SLIT1: variants seen among roughly 807,000 people sequenced by gnomAD.
The protein encoded by SLIT1 is slit guidance ligand 1.
A neutral mutation model predicts 186.1 loss-of-function variants in SLIT1; 66 were observed. That is an observed-to-expected ratio of 0.35 (90% CI 0.29 to 0.44). SLIT1 has a LOEUF of 0.44. SLIT1 is among the 20% of genes least tolerant of loss of function. SLIT1 has a pLI of 1.00. For synonymous variants in SLIT1, 761 were observed against 833.8 expected (o/e 0.91, Z 1.50); for missense variants, 1,638 against 2,037.4 (o/e 0.80, Z 3.77).
At chr10:97,141,710 T>TTGTAC (rs1401147308) in intron 4 of SLIT1, among the ~76,000 whole-genome samples, 1 of 99,364 alleles carries the variant, frequency 1.0e-5, no homozygotes, top group Non-Finnish European at 1.9e-5. Context: ...TCGTATTGTA[T>TTGTAC]TGTACTGTAT....
intron 24 of SLIT1, 35 bp from the exon 25 acceptor site, chr10:97,030,863 G>A: frequency 6.3e-7 from 1 of 1,585,612 alleles, no homozygotes; most frequent in Non-Finnish European, 8.7e-7. Flanking sequence ...GCCTTATCCA[G>A]GGACAGAGAT....
intron 28 of SLIT1, among the ~76,000 whole-genome samples, chr10:97,017,612 C>T (rs1019223074): frequency 1.3e-5 from 2 of 152,154 alleles, no homozygotes; most frequent in African/African-American, 4.8e-5. Flanking sequence ...GAGGGCTATC[C>T]CCTCCCACAG....
chr10:97,101,327 C>T (rs4919069), intron 4 of SLIT1: 19,224 of 152,184 alleles, frequency 0.13, 1,250 homozygotes, highest in Middle Eastern at 0.18. Context: ...GACAACCTCT[C>T]GGGGAGCAGA....
chr10:97,048,110 C>T (rs1363978701), intron 14 of SLIT1, 114 bp from the exon 15 acceptor site: 1 of 1,116,372 alleles, frequency 9.0e-7, no homozygotes, highest in Admixed American at 1.7e-5. Context: ...GCTGAGGAGC[C>T]CATCTGCCCA....
chr10:97,141,718 T>C (rs75329695), intron 4 of SLIT1, among the ~76,000 whole-genome samples: 12 of 126,018 alleles, frequency 9.5e-5, no homozygotes, highest in South Asian at 5.0e-4. Context: ...TATTGTACTG[T>C]ATTGTATTGT....
chr10:97,106,760 C>T (rs953684739), intron 4 of SLIT1, among the ~76,000 whole-genome samples: 5 of 152,102 alleles, frequency 3.3e-5, no homozygotes, highest in African/African-American at 1.2e-4. Context: ...TACCCCTGAG[C>T]AGACAGGCCA....
chr10:97,150,000 C>T (rs1244777625), intron 4 of SLIT1, among the ~76,000 whole-genome samples: 1 of 152,162 alleles, frequency 6.6e-6, no homozygotes, highest in Non-Finnish European at 1.5e-5. Flanking sequence ...ACCAAGGAAG[C>T]TCCTTTTTAC....
chr10:97,103,379 C>G (rs1379408896), intron 4 of SLIT1: 3 of 152,220 alleles, frequency 2.0e-5, no homozygotes, highest in Non-Finnish European at 2.9e-5. Context: ...TGAAAACCCC[C>G]AACACTCTTT....
At chr10:97,143,906 A>C (rs1408278038) in intron 4 of SLIT1, among the ~76,000 whole-genome samples, 1 of 152,206 alleles carries the variant, frequency 6.6e-6, no homozygotes, top group Non-Finnish European at 1.5e-5. Flanking sequence ...AGTTAAGATT[A>C]GATTAAACAG....
Position 97,006,753 on chromosome 10 carries a change from A to G in SLIT1, c.3342-33T>C. On this transcript the variant is annotated intron_variant, in intron 31 of 36. Transcript: ENST00000266058. The surrounding 1 kb of genome is among the most constrained non-coding windows in gnomAD (Gnocchi z 4.0). ...GAAAGGACATAAGTCAGAGAGGGCC[A>G]AGGAGGAAGGGAGTATCTTCCTCTC... is the stretch of plus-strand genomic sequence containing the variant. The G allele has an allele frequency of 1.4e-6, 2 of 1,463,648 alleles. No homozygotes were observed. The highest frequency in any genetic ancestry group is 9.6e-7 in the Non-Finnish European group (1 of 1,045,388). The allele number at this position is 1,463,648 out of a possible 1,614,324, so 90.7% of individuals were successfully genotyped here. A position where few individuals can be genotyped will look rare whatever the true frequency, so the allele number is the denominator to read the frequency against.
intron 14 of SLIT1, 30 bp downstream of exon 14, chr10:97,048,925 A>C (rs1204647731): frequency 6.3e-7 from 1 of 1,596,200 alleles, no homozygotes; most frequent in Admixed American, 1.7e-5. Flanking sequence ...GTAGGTGGAC[A>C]GGTGGGCAGG....
At chr10:97,033,217 T>G (rs1848607867) in intron 23 of SLIT1, among the ~76,000 whole-genome samples, 2 of 152,068 alleles carry the variant, frequency 1.3e-5, no homozygotes, top group African/African-American at 4.8e-5. Context: ...CCTGACTAAT[T>G]TTTTTATTTT....
At chr10:97,082,823 G>C (rs113820456) in intron 4 of SLIT1, among the ~76,000 whole-genome samples, 2 of 152,168 alleles carry the variant, frequency 1.3e-5, no homozygotes, top group African/African-American at 4.8e-5. Flanking sequence ...TGTGTGGGAG[G>C]GGGCAGGGAG....
At chr10:97,176,345 T>A (rs1245976396) in intron 1 of SLIT1, among the ~76,000 whole-genome samples, 1 of 151,946 alleles carries the variant, frequency 6.6e-6, no homozygotes, top group Non-Finnish European at 1.5e-5. Context: ...CCATCAAAAC[T>A]CCCTCTCACC....
At chr10:97,091,568 G>A (rs1422128192) in intron 4 of SLIT1, among the ~76,000 whole-genome samples, 1 of 152,154 alleles carries the variant, frequency 6.6e-6, no homozygotes, top group East Asian at 1.9e-4. Flanking sequence ...AATTCTCCTT[G>A]AAACAACTTT....
At position 97,014,062 on chromosome 10, in the gene SLIT1, A is replaced by T; in HGVS notation, c.3066T>A (p.Asp1022Glu). The change falls in exon 29 of 37, where the codon GAT becomes GAA. Residue 1022 changes from aspartate (D) to glutamate (E), a missense_variant. Transcript: ENST00000266058. ...HACANGGVCV[D>E]GVGNYTCQCP... ...ACTGGCAGGTGTAGTTGCCCACACCATCCACACAGACGCCCCCATTGGCAC... is the reference window on the plus strand; with the variant it reads ...ACTGGCAGGTGTAGTTGCCCACACCTTCCACACAGACGCCCCCATTGGCAC... 6.2e-7 allele frequency: 1 copy of T among 1,613,726 alleles called. No homozygotes were observed. Among genetic ancestry groups the T allele is most frequent in the South Asian group, 1.1e-5 (1 of 91,066 alleles).
At chr10:97,039,809 C>T (rs928652085) in intron 21 of SLIT1, among the ~76,000 whole-genome samples, 179 bp downstream of exon 21, 1 of 152,256 alleles carries the variant, frequency 6.6e-6, no homozygotes, top group African/African-American at 2.4e-5. Flanking sequence ...CAGAGAGAAG[C>T]TCAAAGCCTT....
intron 10 of SLIT1, among the ~76,000 whole-genome samples, chr10:97,059,775 A>C (rs1413142050): frequency 6.6e-6 from 1 of 152,190 alleles, no homozygotes; most frequent in Non-Finnish European, 1.5e-5. Flanking sequence ...TTTCCCATGC[A>C]TCCTGGCAGT....
intron 26 of SLIT1, among the ~76,000 whole-genome samples, chr10:97,020,372 G>A (rs1473169489): frequency 6.6e-6 from 1 of 152,132 alleles, no homozygotes; most frequent in Non-Finnish European, 1.5e-5. Flanking sequence ...TTTAATGTGT[G>A]TGTTCTCTTT....
Sources: gnomAD v4.1 joint callset for allele counts (sites outside exome capture counted in the v4.1 genomes callset) on GRCh38, gnomAD v4.1.1 for gene constraint, Gnocchi (gnomAD v3.1) non-coding constraint, MANE v1.5 for transcripts, NCBI Gene and HGNC (gene_info 2026-07-23, HGNC 2026-07-21) for gene names.